The following MUCL1 variants were observed in gnomAD, a reference collection of about 807,000 sequenced individuals.
MUCL1 encodes the protein mucin like 1.
A neutral mutation model predicts 9.2 loss-of-function variants in MUCL1; 11 were observed. The ratio of observed to expected loss-of-function variants is 1.19; its 90% CI spans 0.75 to 1.97. The LOEUF is 1.97. Ranked by LOEUF, MUCL1 falls within the 30% of genes most tolerant of loss-of-function variation. The pLI is 0.00. For synonymous variants in MUCL1, 48 were observed against 40.5 expected (o/e 1.19, Z -0.71); for missense variants, 144 against 110.9 (o/e 1.30, Z -1.34).
At chr12:54,858,030 A>G (rs1042821081) in intron 3 of MUCL1, among the ~76,000 whole-genome samples, 163 bp from the exon 4 acceptor site, 5 of 152,194 alleles carry the variant, frequency 3.3e-5, no homozygotes, top group African/African-American at 9.7e-5. Flanking sequence ...TTAAGGACAG[A>G]AATTGGTTGT....
intron 1 of MUCL1, among the ~76,000 whole-genome samples, chr12:54,832,936 TTGTA>T: frequency 6.6e-6 from 1 of 152,106 alleles, no homozygotes; most frequent in South Asian, 2.1e-4. Flanking sequence ...ATTTTAAACT[TTGTA>T]TGTCACAAAA....
intron 1 of MUCL1, among the ~76,000 whole-genome samples, chr12:54,840,896 C>T (rs1247957470): frequency 6.6e-6 from 1 of 152,166 alleles, no homozygotes; most frequent in Non-Finnish European, 1.5e-5. Flanking sequence ...TAGCAAGCTT[C>T]CAGGTAGTCT....
chr12:54,833,742 G>A (rs541975871), intron 1 of MUCL1, among the ~76,000 whole-genome samples: 128 of 146,856 alleles, frequency 8.7e-4, no homozygotes, highest in African/African-American at 3.2e-3. Context: ...AACACCGCAT[G>A]TTCTCACTCA....
intron 1 of MUCL1, among the ~76,000 whole-genome samples, chr12:54,846,620 G>A (rs1240204199): frequency 6.6e-6 from 1 of 152,148 alleles, no homozygotes; most frequent in Non-Finnish European, 1.5e-5. Flanking sequence ...ACAATGAGAA[G>A]TAGGAGAAAG....
At position 54,856,841 on chromosome 12, in the gene MUCL1, C is replaced by A; in HGVS notation, c.172C>A (p.Pro58Thr). ...TGCAACCACTGCAACCACTGCTGCT[C>A]CTACCACTGCAACCACCGCTGCTTC... is the stretch of plus-strand genomic sequence containing the variant. ...AAATTATTAA[P>T]TTATTAASTT... Residue 58 changes from proline to threonine, a missense_variant, in exon 3 of 4, where the codon CCT (proline) becomes ACT (threonine). Physicochemically the swap from Pro to Thr is conservative, Grantham distance 38. Coordinates refer to ENST00000308796, the MANE Select transcript of MUCL1 (RefSeq NM_058173.3). 6.2e-7 allele frequency: 1 copy of A among 1,612,586 alleles called. No individual in the cohort carries two copies. Among genetic ancestry groups the A allele is most frequent in the Non-Finnish European group, 8.5e-7 (1 of 1,179,040 alleles).
chr12:54,857,033 T>A (rs756777985), intron 3 of MUCL1, 141 bp downstream of exon 3: 2 of 1,291,488 alleles, frequency 1.5e-6, no homozygotes, highest in Non-Finnish European at 2.1e-6. Context: ...AGTTTCTAAG[T>A]CAAGTCAACA....
upstream of MUCL1, among the ~76,000 whole-genome samples, chr12:54,853,099 G>C (rs1455267605): frequency 6.6e-6 from 1 of 152,072 alleles, no homozygotes; most frequent in Non-Finnish European, 1.5e-5. Context: ...GCTGTTATCA[G>C]ACAGACTCTC....
At chr12:54,852,414 C>T (rs1438162093), upstream of MUCL1, among the ~76,000 whole-genome samples, 4 of 152,266 alleles carry the variant, frequency 2.6e-5, no homozygotes, top group East Asian at 1.9e-4. Flanking sequence ...GGAAAGGATT[C>T]CCTATTTAAT....
intron 2 of MUCL1, 91 bp downstream of exon 2, chr12:54,855,248 T>C: frequency 1.7e-6 from 2 of 1,171,618 alleles, no homozygotes; most frequent in Non-Finnish European, 2.5e-6. Context: ...ATGTGGATAG[T>C]CTTTGTTATA....
At chr12:54,850,816 T>C (rs1032234070), upstream of MUCL1, among the ~76,000 whole-genome samples, 69 of 152,228 alleles carry the variant, frequency 4.5e-4, no homozygotes, top group Middle Eastern at 6.8e-3. Flanking sequence ...TCCTCTCCAG[T>C]ACCTGTTGTT....
Position 54,834,363 on chromosome 12 carries a change from G to A in MUCL1, n.357+3488G>A, listed in dbSNP as rs11171118. ...TTCACTTTATTTTAAAATTCAATCA[G>A]TCACTGTATATTTGTGAATTACCTT... On this transcript the variant is annotated intron_variant and non_coding_transcript_variant, in intron 1 of 3. Coordinates refer to the MUCL1 transcript ENST00000547990. Among the ~76,000 whole-genome samples the A allele has an allele frequency of 9.9e-3, 1,499 of 151,948 alleles. 12 individuals carry two copies. Among genetic ancestry groups the A allele is most frequent in the Non-Finnish European group, 0.016 (1,094 of 67,940 alleles).
At chr12:54,843,831 C>T (rs1379507500) in intron 1 of MUCL1, among the ~76,000 whole-genome samples, 2 of 152,108 alleles carry the variant, frequency 1.3e-5, no homozygotes, top group East Asian at 3.9e-4. Context: ...TGGACTGACT[C>T]CAGAACTGTA....
intron 1 of MUCL1, among the ~76,000 whole-genome samples, chr12:54,842,303 C>A (rs1334548925): frequency 6.6e-6 from 1 of 151,708 alleles, no homozygotes; most frequent in Admixed American, 6.6e-5. Context: ...TATATAAATA[C>A]AATTTAGTTT....
rs1211814801 is a variant in MUCL1, at chr12:54,858,378, A to G, written c.*136A>G. ...ATTTTCTTTCAAATAAAAAATAACT[A>G]TGAGCAACATAAAAATGGTATTTCT... On this transcript the variant is annotated 3_prime_UTR_variant, in exon 4 of 4. Transcript: ENST00000308796. 1 of 1,118,332 alleles carries G rather than the reference A, an allele frequency of 8.9e-7. No homozygotes were observed. Among genetic ancestry groups the G allele is most frequent in the East Asian group, 2.4e-5 (1 of 41,196 alleles). The allele number at this position is 1,118,332 out of a possible 1,614,324, so 69.3% of individuals were successfully genotyped here. A position where few individuals can be genotyped will look rare whatever the true frequency, so the allele number is the denominator to read the frequency against.
intron 1 of MUCL1, among the ~76,000 whole-genome samples, chr12:54,843,245 T>A (rs956075986): frequency 6.6e-6 from 1 of 152,220 alleles, no homozygotes; most frequent in Admixed American, 6.5e-5. Flanking sequence ...GATGCTTCAG[T>A]CTTTGGTATG....
chr12:54,856,697 T>C (rs1868301864), intron 2 of MUCL1, 73 bp from the exon 3 acceptor site: 4 of 1,541,640 alleles, frequency 2.6e-6, no homozygotes, highest in Non-Finnish European at 3.5e-6. Context: ...GGAATGTATG[T>C]CTACCCCTGG....
At position 54,858,239 on chromosome 12, in the gene MUCL1, C is replaced by T. The variant is rs1343591659; in HGVS notation, c.270C>T (p.Pro90=). 6.2e-7 allele frequency: 1 copy of T among 1,613,460 alleles called. No individual in the cohort carries two copies. The change falls in exon 4 of 4, where the codon CCC becomes CCT. Residue 90 remains proline (P), a synonymous_variant. Coordinates refer to ENST00000308796, the MANE Select transcript of MUCL1 (RefSeq NM_058173.3). ...ATCTCCCGAATGGTAGAGTGTGTCC[C>T]TGAGATGGAATCAGCTTGAGTCTTC... ...VGDLPNGRVC[P]
intron 1 of MUCL1, among the ~76,000 whole-genome samples, chr12:54,831,425 G>A (rs1959185213): frequency 6.6e-6 from 1 of 151,974 alleles, no homozygotes; most frequent in African/African-American, 2.4e-5. Flanking sequence ...TGTGTTCTGG[G>A]TAATCAGCAT....
chr12:54,844,225 G>T (rs139887409), intron 1 of MUCL1, among the ~76,000 whole-genome samples: 43 of 152,174 alleles, frequency 2.8e-4, no homozygotes, highest in Admixed American at 3.3e-4. Flanking sequence ...AAGTCTTGAT[G>T]AAGCTACCTG....
Sources: gnomAD v4.1 joint callset for allele counts (sites outside exome capture counted in the v4.1 genomes callset) on GRCh38, gnomAD v4.1.1 for gene constraint, MANE v1.5 for transcripts, NCBI Gene and HGNC (gene_info 2026-07-23, HGNC 2026-07-21) for gene names.